USH2A: variants seen among roughly 807,000 people sequenced by gnomAD.
The protein encoded by USH2A is Usher syndrome 2A (autosomal recessive, mild).
In USH2A, 443 loss-of-function variants were observed where a neutral mutation model predicts 538.9. That is an observed-to-expected ratio of 0.82 (90% CI 0.76 to 0.89). The LOEUF (loss-of-function observed/expected upper bound fraction) is 0.89. Among genes scored for constraint, USH2A ranks in the 40% least tolerant of loss-of-function variants. The pLI is 0.00. For missense variants in USH2A, 6,633 were observed against 6,324.8 expected (o/e 1.05, Z -1.65); for synonymous variants, 2,413 against 2,273.5 (o/e 1.06, Z -1.75).
intron 34 of USH2A, among the ~76,000 whole-genome samples, chr1:215,996,331 A>G (rs1302625108): frequency 6.6e-6 from 1 of 152,192 alleles, no homozygotes; most frequent in Non-Finnish European, 1.5e-5. Flanking sequence ...ATAATTACTT[A>G]AAAAGTGAAG....
chr1:216,064,752 T>C (rs1213888484), intron 30 of USH2A, among the ~76,000 whole-genome samples: 1 of 152,162 alleles, frequency 6.6e-6, no homozygotes, highest in East Asian at 1.9e-4. Flanking sequence ...TAGAGTAACA[T>C]GCTGTGCAGG....
At chr1:216,165,941 T>G (rs950553297) in intron 21 of USH2A, among the ~76,000 whole-genome samples, 8 of 151,464 alleles carry the variant, frequency 5.3e-5, no homozygotes, top group Non-Finnish European at 1.0e-4. Context: ...CAATGTGTAG[T>G]TTTTTTTATC....
At chr1:216,379,842 A>G (rs2038898797) in intron 3 of USH2A, among the ~76,000 whole-genome samples, 1 of 152,226 alleles carries the variant, frequency 6.6e-6, no homozygotes, top group Non-Finnish European at 1.5e-5. Flanking sequence ...TACACCACTT[A>G]GGCCCTAAGC....
chr1:216,030,713 T>C (rs923037957), intron 32 of USH2A, among the ~76,000 whole-genome samples: 12 of 150,110 alleles, frequency 8.0e-5, no homozygotes, highest in African/African-American at 2.7e-4. Context: ...CAATTTAAGA[T>C]AGCTATCAAG....
intron 3 of USH2A, among the ~76,000 whole-genome samples, chr1:216,405,731 G>A (rs955603173): frequency 5.9e-5 from 9 of 152,236 alleles, no homozygotes; most frequent in African/African-American, 9.6e-5. Flanking sequence ...ACATCCACAC[G>A]AATGCTTTAA....
chr1:215,682,100 ACT>A (rs1330947784), intron 61 of USH2A, among the ~76,000 whole-genome samples: 1 of 152,144 alleles, frequency 6.6e-6, no homozygotes, highest in African/African-American at 2.4e-5. Context: ...GATTACAAAC[ACT>A]CTTTTCTGAT....
At chr1:216,317,842 G>C (rs1049686669) in intron 9 of USH2A, among the ~76,000 whole-genome samples, 2 of 151,986 alleles carry the variant, frequency 1.3e-5, no homozygotes, top group Non-Finnish European at 2.9e-5. Flanking sequence ...GACAGAGTGA[G>C]ACTCCCTCTC....
At chr1:216,338,628 G>C (rs536887591) in intron 4 of USH2A, among the ~76,000 whole-genome samples, 1 of 151,484 alleles carries the variant, frequency 6.6e-6, no homozygotes, top group African/African-American at 2.4e-5. Flanking sequence ...TCAAACCACT[G>C]AAGGAAATAT....
intron 21 of USH2A, among the ~76,000 whole-genome samples, chr1:216,154,870 A>T (rs1308231674): frequency 7.1e-6 from 1 of 140,034 alleles, no homozygotes; most frequent in East Asian, 2.4e-4. Flanking sequence ...GCTCTTGTGA[A>T]TGTAGGCGCA....
intron 21 of USH2A, among the ~76,000 whole-genome samples, chr1:216,149,163 T>C (rs937467644): frequency 6.6e-6 from 1 of 152,120 alleles, no homozygotes; most frequent in Non-Finnish European, 1.5e-5. Context: ...TTGACCTTAC[T>C]GTTTTAACCT....
intron 44 of USH2A, among the ~76,000 whole-genome samples, chr1:215,862,248 T>G (rs2102436007): frequency 6.6e-6 from 1 of 152,304 alleles, no homozygotes; most frequent in Non-Finnish European, 1.5e-5. Context: ...GTAGAAATGC[T>G]TTTATCTCCT....
intron 30 of USH2A, among the ~76,000 whole-genome samples, chr1:216,054,652 C>T (rs1433730044): frequency 6.6e-6 from 1 of 152,028 alleles, no homozygotes; most frequent in East Asian, 1.9e-4. Context: ...TCAGCAGACT[C>T]CTCCTCCCTC....
Position 216,314,438 on chromosome 1 carries a change from C to T in USH2A, c.1644+7445G>A, listed in dbSNP as rs181825658. On this transcript the variant is annotated intron_variant, in intron 9 of 71. Coordinates refer to ENST00000307340, the MANE Select transcript of USH2A (RefSeq NM_206933.4). ...AAAATGAATTAATTTACTAGCATTA[C>T]AATAATTAAAATATAAATAAAATAT... Among the ~76,000 whole-genome samples the T allele has an allele frequency of 1.9e-3, 286 of 151,564 alleles. 1 individual carries two copies. The highest frequency in any genetic ancestry group is 6.7e-3 in the African/African-American group (276 of 41,354).
intron 9 of USH2A, among the ~76,000 whole-genome samples, chr1:216,319,422 C>T (rs1039857513): frequency 6.6e-5 from 10 of 152,104 alleles, no homozygotes; most frequent in Non-Finnish European, 1.5e-5. Context: ...ATATTAAAAT[C>T]AGTTCTTCTA....
chr1:215,959,500 G>A (rs1667146591), intron 37 of USH2A, among the ~76,000 whole-genome samples: 2 of 152,100 alleles, frequency 1.3e-5, no homozygotes, highest in South Asian at 4.1e-4. Context: ...AAACCTGTTT[G>A]TTGTACCTCT....
At chr1:216,052,186 T>A (rs372003618) in intron 30 of USH2A, among the ~76,000 whole-genome samples, 1 of 152,080 alleles carries the variant, frequency 6.6e-6, no homozygotes, top group African/African-American at 2.4e-5. Flanking sequence ...TTGGTAGAGA[T>A]CTTTACCAAA....
intron 37 of USH2A, among the ~76,000 whole-genome samples, chr1:215,940,662 A>G (rs1453892508): frequency 2.6e-5 from 4 of 152,160 alleles, no homozygotes; most frequent in Non-Finnish European, 5.9e-5. Flanking sequence ...ATATTTTGAA[A>G]GAGAAATAAA....
At chr1:216,081,876 G>C (rs527735253) in intron 26 of USH2A, among the ~76,000 whole-genome samples, 2 of 151,756 alleles carry the variant, frequency 1.3e-5, no homozygotes, top group Non-Finnish European at 2.9e-5. Context: ...GAATTATAGG[G>C]GTGAGCCACT....
chr1:216,403,818 C>A (rs373185164), intron 3 of USH2A, among the ~76,000 whole-genome samples: 1 of 152,170 alleles, frequency 6.6e-6, no homozygotes, highest in African/African-American at 2.4e-5. Context: ...AGGCACCTGG[C>A]GGGAGGTGAT....
Sources: allele counts gnomAD v4.1 joint callset (sites outside exome capture counted in the v4.1 genomes callset), GRCh38; gene constraint gnomAD v4.1.1; transcripts MANE v1.5; gene names NCBI Gene and HGNC (gene_info 2026-07-23, HGNC 2026-07-21).